Variants in MINDY4 observed in about 807,000 individuals in gnomAD.
MINDY4 encodes the protein MINDY lysine 48 deubiquitinase 4.
MINDY4 carries 68 observed loss-of-function variants against 87.0 expected under a neutral mutation model. The ratio of observed to expected loss-of-function variants is 0.78; its 90% CI spans 0.64 to 0.96. MINDY4 has a LOEUF of 0.96. MINDY4 is among the 40% of genes least tolerant of loss of function. The probability of loss-of-function intolerance (pLI) is 0.00; values close to 1 mark genes in which losing one functional copy is unlikely to be tolerated. For missense variants in MINDY4, 919 were observed against 928.2 expected (o/e 0.99, Z 0.13); for synonymous variants, 379 against 363.2 (o/e 1.04, Z -0.50).
chr7:30,780,762 C>T (rs927228413), intron 2 of MINDY4: 2 of 152,014 alleles, frequency 1.3e-5, no homozygotes, highest in Non-Finnish European at 2.9e-5. Context: ...TGTTGTGAGC[C>T]AAGTGATGTG....
chr7:30,814,771 A>G (rs1437070709), intron 5 of MINDY4, among the ~76,000 whole-genome samples: 1 of 152,216 alleles, frequency 6.6e-6, no homozygotes, highest in Non-Finnish European at 1.5e-5. Context: ...AATAAGTGTT[A>G]TTTAAGTGTA....
At chr7:30,857,132 GT>G (rs1349313103) in intron 12 of MINDY4, among the ~76,000 whole-genome samples, 1 of 152,148 alleles carries the variant, frequency 6.6e-6, no homozygotes, top group Non-Finnish European at 1.5e-5. Context: ...AGTAAATGAT[GT>G]CCTCAGGGCT....
At chr7:30,877,202 T>A (rs1790287752) in intron 15 of MINDY4, among the ~76,000 whole-genome samples, 1 of 152,124 alleles carries the variant, frequency 6.6e-6, no homozygotes, top group African/African-American at 2.4e-5. Flanking sequence ...CTGAAAGTAT[T>A]CAGCTCAAAA....
At chr7:30,855,795 G>A (rs1341783340) in intron 12 of MINDY4, among the ~76,000 whole-genome samples, 2 of 152,234 alleles carry the variant, frequency 1.3e-5, no homozygotes, top group East Asian at 1.9e-4. Context: ...CAAAGCAGTC[G>A]CCTCCTCGCC....
intron 13 of MINDY4, among the ~76,000 whole-genome samples, chr7:30,862,485 C>A (rs879849543): frequency 1.3e-5 from 2 of 152,216 alleles, no homozygotes; most frequent in Non-Finnish European, 2.9e-5. Flanking sequence ...CCCGGCACCT[C>A]CAGCCTTGGC....
intron 5 of MINDY4, among the ~76,000 whole-genome samples, chr7:30,809,077 C>T (rs1447976083): frequency 6.6e-6 from 1 of 151,656 alleles, no homozygotes; most frequent in Non-Finnish European, 1.5e-5. Context: ...AACAGTGTAC[C>T]CTATTCCTTT....
chr7:30,882,986 A>C lies in MINDY4; in HGVS notation c.2218A>C (p.Arg740=), dbSNP rs775885800. The C allele has an allele frequency of 6.2e-6, 10 of 1,613,932 alleles. No individual in the cohort carries two copies. The highest frequency in any genetic ancestry group is 6.8e-6 in the Non-Finnish European group (8 of 1,179,954). ...DLVPPLELCI[R]TKWKGASVNW... is the part of the protein sequence containing the mutation. ...TGTCCCACCCCTCGAGCTCTGCATC[A>C]GAACCAAGTGAGTCAAGCCCCTCTC... Residue 740 remains arginine, a synonymous_variant, in exon 17 of 18, where the codon AGA becomes CGA. Transcript: ENST00000265299.
chr7:30,825,364 G>T (rs1342572358), intron 5 of MINDY4, among the ~76,000 whole-genome samples: 1 of 152,186 alleles, frequency 6.6e-6, no homozygotes, highest in African/African-American at 2.4e-5. Context: ...TTGTGCTGAT[G>T]GATGGCCCTC....
chr7:30,810,159 A>G (rs1787939582), intron 5 of MINDY4, among the ~76,000 whole-genome samples: 1 of 140,842 alleles, frequency 7.1e-6, no homozygotes, highest in Non-Finnish European at 1.5e-5. Flanking sequence ...TGGGCGACAG[A>G]GCAAGACTCT....
chr7:30,774,071 A>G (rs1786728534), intron 1 of MINDY4, among the ~76,000 whole-genome samples: 1 of 152,192 alleles, frequency 6.6e-6, no homozygotes, highest in Non-Finnish European at 1.5e-5. Context: ...CTCTAAATCC[A>G]TGGCCACTCA....
rs749022893 is a variant in MINDY4 at position 30,791,405 on chromosome 7, G to C, written c.904G>C (p.Asp302His). Reference protein sequence around the residue: ...HLPSKRLPPWDRARPRDPSED... With the variant: ...HLPSKRLPPWHRARPRDPSED... ...GCCCAGCAAACGGCTGCCCCCATGGGACAGGGCCAGGCCGAGGGATCCCTC... is the reference window on the plus strand; with the variant it reads ...GCCCAGCAAACGGCTGCCCCCATGGCACAGGGCCAGGCCGAGGGATCCCTC... The change falls in exon 5 of 18, where the codon GAC becomes CAC. Residue 302 changes from aspartate (D) to histidine (H), a missense_variant. Coordinates refer to ENST00000265299, the MANE Select transcript of MINDY4 (RefSeq NM_032222.3). The C allele has an allele frequency of 5.6e-6, 9 of 1,614,004 alleles. No homozygotes were observed. In the East Asian group the frequency reaches 1.6e-4, roughly 28 times the overall value.
chr7:30,866,940 C>T (rs1196765552), intron 13 of MINDY4, among the ~76,000 whole-genome samples: 3 of 152,158 alleles, frequency 2.0e-5, no homozygotes. Flanking sequence ...TCCTGGGCTC[C>T]CATCCTAGCC....
chr7:30,836,059 C>G (rs764276635), intron 6 of MINDY4, among the ~76,000 whole-genome samples: 26 of 152,336 alleles, frequency 1.7e-4, no homozygotes, highest in Non-Finnish European at 3.2e-4. Flanking sequence ...TACTTAACTC[C>G]TCTAAGCCTC....
At chr7:30,852,962 C>G (rs1789458423) in intron 11 of MINDY4, among the ~76,000 whole-genome samples, 1 of 152,192 alleles carries the variant, frequency 6.6e-6, no homozygotes, top group Non-Finnish European at 1.5e-5. Context: ...AAAGGAGACT[C>G]CTAAGGGCTG....
At chr7:30,891,388 C>T (rs1376911303) in intron 17 of MINDY4, among the ~76,000 whole-genome samples, 2 of 150,526 alleles carry the variant, frequency 1.3e-5, no homozygotes, top group Non-Finnish European at 1.5e-5. Context: ...TTTAGTTATA[C>T]TCCGTGCTTC....
intron 9 of MINDY4, among the ~76,000 whole-genome samples, chr7:30,841,208 C>T (rs1789025518): frequency 6.6e-6 from 1 of 152,228 alleles, no homozygotes; most frequent in South Asian, 2.1e-4. Context: ...TCCCTCCCCA[C>T]GCTATCTCCC....
intron 12 of MINDY4, among the ~76,000 whole-genome samples, chr7:30,855,246 T>A (rs895042694): frequency 7.2e-5 from 11 of 152,272 alleles, no homozygotes; most frequent in African/African-American, 2.7e-4. Flanking sequence ...CTTCCAGCTC[T>A]TCATCATCTA....
At chr7:30,849,357 A>G (rs1366651571) in intron 9 of MINDY4, among the ~76,000 whole-genome samples, 2 of 152,184 alleles carry the variant, frequency 1.3e-5, no homozygotes, top group East Asian at 3.9e-4. Context: ...GAGACCAGCT[A>G]GCTTCCGTAT....
At chr7:30,776,234 A>G (rs957054042) in intron 1 of MINDY4, among the ~76,000 whole-genome samples, 2 of 152,178 alleles carry the variant, frequency 1.3e-5, no homozygotes, top group Admixed American at 1.3e-4. Flanking sequence ...ACCTTTCCTT[A>G]TGAGTCTCTG....
Sources: allele counts gnomAD v4.1 joint callset (sites outside exome capture counted in the v4.1 genomes callset), GRCh38; gene constraint gnomAD v4.1.1; transcripts MANE v1.5; gene names NCBI Gene and HGNC (gene_info 2026-07-23, HGNC 2026-07-21).